COL25A1: variants seen among roughly 807,000 people sequenced by gnomAD.
The protein encoded by COL25A1 is collagen type XXV alpha 1 chain.
In COL25A1, 103 loss-of-function variants were observed where a neutral mutation model predicts 128.4. The ratio of observed to expected loss-of-function variants is 0.80; its 90% CI spans 0.68 to 0.94. COL25A1 has a LOEUF of 0.94. Ranked by LOEUF, COL25A1 falls within the 40% of genes least tolerant of loss-of-function variation. COL25A1 has a pLI of 0.00. For missense variants in COL25A1, 745 were observed against 840.0 expected, an observed-to-expected ratio of 0.89 and a Z score of 1.40; for synonymous variants, 279 against 277.2, an observed-to-expected ratio of 1.01 and a Z score of -0.06.
intron 3 of COL25A1, among the ~76,000 whole-genome samples, chr4:109,137,982 A>G (rs200351852): frequency 3.3e-5 from 2 of 60,760 alleles, no homozygotes; most frequent in African/African-American, 7.8e-5. Context: ...TTTTATATAT[A>G]TATGTGTGTG....
intron 37 of COL25A1, 52 bp downstream of exon 37, chr4:108,817,345 G>A (rs1160422636): frequency 6.4e-7 from 1 of 1,562,416 alleles, no homozygotes; most frequent in Non-Finnish European, 8.8e-7. Flanking sequence ...GCTAGTCCAG[G>A]TTAAGAGAAA....
chr4:109,275,963 C>G (rs528462240), intron 3 of COL25A1, among the ~76,000 whole-genome samples: 174 of 152,286 alleles, frequency 1.1e-3, no homozygotes, highest in African/African-American at 4.1e-3. Context: ...GGGCAAACAC[C>G]TACCCATTAT....
At chr4:108,914,612 C>A (rs1744642917) in intron 13 of COL25A1, among the ~76,000 whole-genome samples, 1 of 151,252 alleles carries the variant, frequency 6.6e-6, no homozygotes, top group South Asian at 2.1e-4. Context: ...CTGGCTTTTC[C>A]TCCCTGCTTG....
intron 3 of COL25A1, among the ~76,000 whole-genome samples, chr4:109,253,756 C>T (rs1780825603): frequency 6.6e-6 from 1 of 152,140 alleles, no homozygotes; most frequent in South Asian, 2.1e-4. Flanking sequence ...CAAATAATAG[C>T]AACGTTAGAA....
At chr4:109,149,280 T>A (rs1220735654) in intron 3 of COL25A1, among the ~76,000 whole-genome samples, 1 of 152,232 alleles carries the variant, frequency 6.6e-6, no homozygotes, top group Non-Finnish European at 1.5e-5. Context: ...GGATCATTTG[T>A]CATGATTAAA....
chr4:109,011,188 T>C (rs1579073764), intron 5 of COL25A1, among the ~76,000 whole-genome samples: 1 of 152,216 alleles, frequency 6.6e-6, no homozygotes, highest in Non-Finnish European at 1.5e-5. Context: ...AAAGAAAATG[T>C]TCACACTGAG....
chr4:108,873,775 G>C (rs1443152721), intron 19 of COL25A1, among the ~76,000 whole-genome samples: 1 of 152,174 alleles, frequency 6.6e-6, no homozygotes, highest in Non-Finnish European at 1.5e-5. Context: ...GAGCAGTTGA[G>C]ATTGCAAAAC....
chr4:109,002,972 A>C (rs7672492), intron 6 of COL25A1, among the ~76,000 whole-genome samples: 120,692 of 151,716 alleles, frequency 0.8, 49,163 homozygotes, highest in East Asian at 1. Flanking sequence ...ATGTTCCCCA[A>C]CCTGTGTCCA....
At chr4:108,845,890 A>C (rs1735029489) in intron 28 of COL25A1, among the ~76,000 whole-genome samples, 1 of 152,154 alleles carries the variant, frequency 6.6e-6, no homozygotes, top group Non-Finnish European at 1.5e-5. Context: ...TGTTTATTTT[A>C]TTATCTTCTA....
At chr4:108,939,566 G>A (rs1747831296) in intron 10 of COL25A1, among the ~76,000 whole-genome samples, 1 of 151,938 alleles carries the variant, frequency 6.6e-6, no homozygotes, top group Non-Finnish European at 1.5e-5. Context: ...TGTAAATATT[G>A]TAAACATTAA....
chr4:108,972,857 T>C (rs1752055420), intron 8 of COL25A1, among the ~76,000 whole-genome samples: 1 of 152,172 alleles, frequency 6.6e-6, no homozygotes, highest in Admixed American at 6.5e-5. Context: ...TAATGCAACA[T>C]GAAACCAGGT....
chr4:108,870,387 T>C (rs904511081), intron 19 of COL25A1, among the ~76,000 whole-genome samples: 1 of 151,532 alleles, frequency 6.6e-6, no homozygotes, highest in Admixed American at 6.6e-5. Context: ...ACCAGACATA[T>C]ATTGATATAT....
chr4:108,994,259 G>A (rs938909277), intron 6 of COL25A1, among the ~76,000 whole-genome samples: 1 of 152,186 alleles, frequency 6.6e-6, no homozygotes, highest in Admixed American at 6.5e-5. Context: ...ACCAAATAGT[G>A]TACTTTTCCC....
At chr4:108,943,627 T>A (rs1748393121) in intron 8 of COL25A1, among the ~76,000 whole-genome samples, 1 of 152,160 alleles carries the variant, frequency 6.6e-6, no homozygotes, top group Admixed American at 6.5e-5. Context: ...ACACAACCCC[T>A]TAATGCAGAA....
rs947650104 is a variant in COL25A1, at chr4:109,301,610, A to G, written c.297+113T>C. The stretch of plus-strand genomic sequence containing the variant: ...TTGGCCAACACATGCACGCGCGCGC[A>G]CACACACAGCCACACCAAGTATGGG... On this transcript the variant is annotated intron_variant, in intron 2 of 37. Transcript: ENST00000399132. The G allele has an allele frequency of 2.4e-5, 29 of 1,233,514 alleles. No individual in the cohort carries two copies. In the East Asian group the frequency reaches 4.4e-4, roughly 19 times the overall value. The allele number at this position is 1,233,514 out of a possible 1,614,324, so 76.4% of individuals were successfully genotyped here.
chr4:109,051,648 C>G (rs908768050), intron 3 of COL25A1, among the ~76,000 whole-genome samples: 4 of 142,370 alleles, frequency 2.8e-5, no homozygotes, highest in African/African-American at 5.0e-5. Context: ...CACACACACA[C>G]AGACATAATC....
chr4:109,136,025 T>C (rs1769707585), intron 3 of COL25A1, among the ~76,000 whole-genome samples: 1 of 152,222 alleles, frequency 6.6e-6, no homozygotes, highest in Non-Finnish European at 1.5e-5. Flanking sequence ...CAAATATTAC[T>C]ACATGCTTAG....
chr4:109,089,905 A>G (rs1650231354), intron 3 of COL25A1, among the ~76,000 whole-genome samples: 1 of 152,032 alleles, frequency 6.6e-6, no homozygotes, highest in Non-Finnish European at 1.5e-5. Flanking sequence ...ACGCCCAGCT[A>G]TATTTTAGAA....
At chr4:109,230,499 T>C (rs1232038950) in intron 3 of COL25A1, among the ~76,000 whole-genome samples, 1 of 152,228 alleles carries the variant, frequency 6.6e-6, no homozygotes, top group Admixed American at 6.5e-5. Flanking sequence ...AAATGTATAA[T>C]GTGGCCTTAA....
Sources: allele counts gnomAD v4.1 joint callset (sites outside exome capture counted in the v4.1 genomes callset), GRCh38; gene constraint gnomAD v4.1.1; transcripts MANE v1.5; gene names NCBI Gene and HGNC (gene_info 2026-07-23, HGNC 2026-07-21).